The following NOTCH2NLC variants were observed in gnomAD, a reference collection of about 807,000 sequenced individuals.
The protein encoded by NOTCH2NLC is notch homolog 2 N-terminal-like protein C.
NOTCH2NLC carries 4 observed loss-of-function variants against 17.7 expected under a neutral mutation model. The observed-to-expected ratio is 0.23, with a 90% CI of 0.11 to 0.52. The LOEUF is 0.52. Ranked by LOEUF, NOTCH2NLC falls within the 20% of genes least tolerant of loss-of-function variation. The pLI is 0.96. For synonymous variants in NOTCH2NLC, 18 were observed against 86.0 expected, an observed-to-expected ratio of 0.21 and a Z score of 4.38; for missense variants, 57 against 207.2, an observed-to-expected ratio of 0.28 and a Z score of 4.45.
chr1:149,445,901 TAAAAAAAAA>T (rs1182076544), intron 2 of NOTCH2NLC, among the ~76,000 whole-genome samples: 1 of 72,604 alleles, frequency 1.4e-5, no homozygotes, highest in Non-Finnish European at 2.7e-5. Flanking sequence ...ATCCTCGTTT[TAAAAAAAAA>T]AAAAAAAAAA....
intron 1 of NOTCH2NLC, among the ~76,000 whole-genome samples, chr1:149,428,951 A>G (rs1437434901): frequency 3.4e-5 from 5 of 147,806 alleles, no homozygotes; most frequent in Non-Finnish European, 7.6e-5. Flanking sequence ...GAAACTAATA[A>G]AAGTGTCTAA....
At chr1:149,449,773 T>G (rs1387524485) in intron 2 of NOTCH2NLC, among the ~76,000 whole-genome samples, 7,089 of 151,498 alleles carry the variant, frequency 0.047, 496 homozygotes, top group Middle Eastern at 0.11. Context: ...AATTCTCTAC[T>G]GCTTAGTAGT....
At chr1:149,418,927 G>A (rs1254325478) in intron 1 of NOTCH2NLC, among the ~76,000 whole-genome samples, 14 of 150,840 alleles carry the variant, frequency 9.3e-5, no homozygotes, top group Admixed American at 1.3e-4. Context: ...TCGCTCGCTC[G>A]CTTGCTCTTT....
intron 1 of NOTCH2NLC, among the ~76,000 whole-genome samples, chr1:149,399,795 C>G (rs1434887602): frequency 2.8e-5 from 4 of 141,284 alleles, no homozygotes; most frequent in Non-Finnish European, 6.2e-5. Flanking sequence ...CATATTCTTT[C>G]TAAGAGAGTT....
Position 149,466,180 on chromosome 1 carries a change from T to C in NOTCH2NLC, c.*2027T>C, listed in dbSNP as rs1365917308. 1 of 129,438 alleles carries C rather than the reference T, an allele frequency of 7.7e-6. No homozygotes were observed. Among genetic ancestry groups the C allele is most frequent in the African/African-American group, 2.9e-5 (1 of 34,258 alleles). The allele number at this position is 129,438 out of a possible 1,614,324, so 8.0% of individuals were successfully genotyped here. A position where few individuals can be genotyped will look rare whatever the true frequency, so the allele number is the denominator to read the frequency against. ...TTAAGCTGTTTGGGTTAAAAATATA[T>C]GTTCATGTTATAAGAAAACCAAGAC... On this transcript the variant is annotated 3_prime_UTR_variant, in exon 5 of 5. Coordinates refer to ENST00000650865, the MANE Select transcript of NOTCH2NLC (RefSeq NM_001364013.2).
At chr1:149,426,717 T>G (rs1307405419) in intron 1 of NOTCH2NLC, among the ~76,000 whole-genome samples, 1 of 143,524 alleles carries the variant, frequency 7.0e-6, no homozygotes, top group Non-Finnish European at 1.5e-5. Context: ...TCTTTGTGAG[T>G]GACTAGTTTC....
intron 2 of NOTCH2NLC, among the ~76,000 whole-genome samples, chr1:149,433,277 CAG>C (rs1312291270): frequency 1.1e-4 from 13 of 113,380 alleles, no homozygotes; most frequent in Non-Finnish European, 1.8e-4. Context: ...TGGGGCCTGT[CAG>C]GGGGTGGGGG....
At chr1:149,425,503 G>A (rs1270297300) in intron 1 of NOTCH2NLC, among the ~76,000 whole-genome samples, 10 of 151,320 alleles carry the variant, frequency 6.6e-5, no homozygotes, top group East Asian at 2.0e-4. Flanking sequence ...TACTGGGCAC[G>A]TAAAGTAAGC....
intron 1 of NOTCH2NLC, among the ~76,000 whole-genome samples, chr1:149,423,529 T>C (rs1475895664): frequency 6.7e-6 from 1 of 148,356 alleles, no homozygotes; most frequent in African/African-American, 2.5e-5. Flanking sequence ...GCAGTCATTT[T>C]AGAAAACTTT....
At chr1:149,419,138 C>T (rs2084364545) in intron 1 of NOTCH2NLC, among the ~76,000 whole-genome samples, 1 of 145,882 alleles carries the variant, frequency 6.9e-6, no homozygotes, top group African/African-American at 2.5e-5. Context: ...CAGGGAAGCA[C>T]TGGGCTCAAG....
chr1:149,427,513 T>TTTG (rs1203494269), intron 1 of NOTCH2NLC, among the ~76,000 whole-genome samples: 25 of 115,816 alleles, frequency 2.2e-4, no homozygotes, highest in Non-Finnish European at 3.7e-4. Context: ...TTTTTTTTTT[T>TTTG]TTTGAGATGG....
At chr1:149,438,824 A>G (rs2084498516) in intron 2 of NOTCH2NLC, among the ~76,000 whole-genome samples, 1 of 126,776 alleles carries the variant, frequency 7.9e-6, no homozygotes, top group Non-Finnish European at 1.7e-5. Context: ...GCAATCATGG[A>G]TCACTGCAGC....
At chr1:149,393,102 A>G (rs2084184943) in intron 1 of NOTCH2NLC, among the ~76,000 whole-genome samples, 2 of 149,526 alleles carry the variant, frequency 1.3e-5, no homozygotes, top group Admixed American at 6.7e-5. Context: ...AAAGTATTAA[A>G]TAATATGTCA....
chr1:149,470,355 T>C lies in NOTCH2NLC; in HGVS notation c.*6202T>C, dbSNP rs1352113997. On this transcript the variant is annotated 3_prime_UTR_variant, in exon 5 of 5. Coordinates refer to ENST00000650865, the MANE Select transcript of NOTCH2NLC (RefSeq NM_001364013.2). ...GATATAATTTATATACCATACAATT[T>C]ACTTCTTAAAAAAGTACACAATTCA... 3.3e-5 allele frequency among the ~76,000 whole-genome samples: 5 copies of C among 151,226 alleles called. No individual in the cohort carries two copies. The highest frequency in any genetic ancestry group is 7.4e-5 in the Non-Finnish European group (5 of 67,662).
rs2084717712 is a variant in NOTCH2NLC, at chr1:149,471,299, A to G, written c.*7146A>G. On this transcript the variant is annotated 3_prime_UTR_variant, in exon 5 of 5. Transcript: ENST00000650865. ...TGTCTTTTCACATTCTTGATGATAT[A>G]CTTTTCAGCCCAAATGTTTTTAACT... is the stretch of plus-strand genomic sequence containing the variant. 6.6e-6 allele frequency among the ~76,000 whole-genome samples: 1 copy of G among 150,724 alleles called. No individual in the cohort carries two copies. Among genetic ancestry groups the G allele is most frequent in the Admixed American group, 6.6e-5 (1 of 15,086 alleles).
chr1:149,445,992 C>T (rs2084550683), intron 2 of NOTCH2NLC, among the ~76,000 whole-genome samples: 2 of 117,978 alleles, frequency 1.7e-5, no homozygotes, highest in Middle Eastern at 4.3e-3. Flanking sequence ...ACAGAACATT[C>T]GGTGGAGAAA....
intron 1 of NOTCH2NLC, among the ~76,000 whole-genome samples, chr1:149,398,015 A>T (rs1302262072): frequency 3.4e-5 from 5 of 146,336 alleles, no homozygotes; most frequent in Non-Finnish European, 7.6e-5. Context: ...TAAGCACACA[A>T]TTAGGAATAT....
intron 3 of NOTCH2NLC, among the ~76,000 whole-genome samples, chr1:149,462,635 C>G (rs2084656507): frequency 6.8e-6 from 1 of 146,748 alleles, no homozygotes; most frequent in Non-Finnish European, 1.5e-5. Context: ...ATTCAACAGA[C>G]ATGATTTGAG....
chr1:149,462,126 TATAATAATA>T (rs1332169696), intron 3 of NOTCH2NLC, among the ~76,000 whole-genome samples: 3 of 143,338 alleles, frequency 2.1e-5, no homozygotes, highest in Non-Finnish European at 3.1e-5. Flanking sequence ...GAACTTAAAG[TATAATAATA>T]ATAATAATAA....
Sources: gnomAD v4.1 joint callset for allele counts (sites outside exome capture counted in the v4.1 genomes callset) on GRCh38, gnomAD v4.1.1 for gene constraint, MANE v1.5 for transcripts, NCBI Gene and HGNC (gene_info 2026-07-23, HGNC 2026-07-21) for gene names.